The following NEDD4L variants were observed in gnomAD, a reference collection of about 807,000 sequenced individuals.
The protein encoded by NEDD4L is E3 ubiquitin-protein ligase NEDD4-like.
Under a neutral mutation model 148.9 loss-of-function variants are expected in NEDD4L, and 54 were observed. That is an observed-to-expected ratio of 0.36 (90% confidence interval 0.29 to 0.45). The LOEUF (loss-of-function observed/expected upper bound fraction) is 0.45. Among genes scored for constraint, NEDD4L ranks in the 20% least tolerant of loss-of-function variants. The probability of loss-of-function intolerance (pLI) is 1.00; values close to 1 mark genes in which losing one functional copy is unlikely to be tolerated. For missense variants in NEDD4L, 856 were observed against 1,233.8 expected (o/e 0.69, Z 4.59); for synonymous variants, 433 against 440.7 (o/e 0.98, Z 0.22).
chr18:58,390,729 T>C lies in NEDD4L; in HGVS notation c.2739T>C (p.Phe913=). ...CATCGCGAGTACCTATGAATGGATT[T>C]GCCGAACTTTATGGTGAGCAGGATA... ...TGTSRVPMNG[F]AELYGSNGPQ... The change falls in exon 29 of 31, where the codon TTT becomes TTC. Residue 913 remains phenylalanine, a synonymous_variant. Transcript: ENST00000400345. 6.3e-7 allele frequency: 1 copy of C among 1,594,764 alleles called. No individual in the cohort carries two copies.
intron 1 of NEDD4L, among the ~76,000 whole-genome samples, chr18:58,063,227 T>G (rs895512894): frequency 2.7e-5 from 4 of 150,214 alleles, no homozygotes; most frequent in Non-Finnish European, 5.9e-5. Context: ...TTATTTTTAT[T>G]TTTATTTTTT....
chr18:58,067,751 G>A (rs1196206656), intron 1 of NEDD4L, among the ~76,000 whole-genome samples: 1 of 152,200 alleles, frequency 6.6e-6, no homozygotes, highest in Non-Finnish European at 1.5e-5. Flanking sequence ...AAGGAATGTT[G>A]TACAGTGTTG....
chr18:58,221,483 A>T, intron 2 of NEDD4L: 1 of 915,984 alleles, frequency 1.1e-6, no homozygotes, highest in Non-Finnish European at 1.3e-6. Context: ...GCTTGACGCA[A>T]CCCCCTTTTC....
chr18:58,081,462 G>A (rs1004525977), intron 1 of NEDD4L, among the ~76,000 whole-genome samples: 3 of 151,852 alleles, frequency 2.0e-5, no homozygotes, highest in South Asian at 2.1e-4. Context: ...TGATCCACCC[G>A]CCTTGGCCTC....
intron 2 of NEDD4L, among the ~76,000 whole-genome samples, chr18:58,174,106 G>A (rs909208011): frequency 6.6e-6 from 1 of 151,834 alleles, no homozygotes; most frequent in Non-Finnish European, 1.5e-5. Flanking sequence ...AGAAGAATGA[G>A]GATATGCTGG....
At chr18:58,063,988 G>A (rs1298663440) in intron 1 of NEDD4L, among the ~76,000 whole-genome samples, 2 of 99,480 alleles carry the variant, frequency 2.0e-5, no homozygotes, top group South Asian at 5.9e-4. Flanking sequence ...TTTTTGAGAC[G>A]GAGTCTTGTT....
chr18:58,373,390 A>G, intron 24 of NEDD4L, 121 bp downstream of exon 24: 2 of 652,708 alleles, frequency 3.1e-6, no homozygotes, highest in Non-Finnish European at 5.6e-6. Flanking sequence ...GCAGGTGTTA[A>G]TTTTCATCTC....
At chr18:58,309,257 C>T (rs2057401897) in intron 5 of NEDD4L, among the ~76,000 whole-genome samples, 1 of 152,178 alleles carries the variant, frequency 6.6e-6, no homozygotes, top group Non-Finnish European at 1.5e-5. Flanking sequence ...GCCGGATGCT[C>T]CCGTGCTGGC....
At chr18:58,261,429 T>C (rs574339426) in intron 5 of NEDD4L, among the ~76,000 whole-genome samples, 1 of 152,346 alleles carries the variant, frequency 6.6e-6, no homozygotes, top group South Asian at 2.1e-4. Flanking sequence ...AATTTCCACA[T>C]TGTATGACTT....
At chr18:58,206,677 A>G (rs951272624) in intron 2 of NEDD4L, among the ~76,000 whole-genome samples, 1 of 152,190 alleles carries the variant, frequency 6.6e-6, no homozygotes, top group Admixed American at 6.5e-5. Context: ...ATAATAGGCA[A>G]AAACTGGAAA....
At chr18:58,299,881 G>T (rs2056228066) in intron 5 of NEDD4L, among the ~76,000 whole-genome samples, 1 of 152,032 alleles carries the variant, frequency 6.6e-6, no homozygotes, top group South Asian at 2.1e-4. Context: ...TGCTTAAATG[G>T]TCCATTTATG....
intron 1 of NEDD4L, among the ~76,000 whole-genome samples, chr18:58,153,627 A>G (rs1220626925): frequency 6.6e-6 from 1 of 151,248 alleles, no homozygotes; most frequent in Admixed American, 6.6e-5. Context: ...GTCAAAGGAA[A>G]ACCAAGTCTG....
intron 1 of NEDD4L, among the ~76,000 whole-genome samples, chr18:58,145,662 T>C (rs1395989228): frequency 1.3e-5 from 2 of 152,160 alleles, no homozygotes; most frequent in Non-Finnish European, 2.9e-5. Context: ...TGAATACTCC[T>C]GTAAATACAT....
At chr18:58,328,043 C>T (rs1456562119) in intron 9 of NEDD4L, among the ~76,000 whole-genome samples, 1 of 151,930 alleles carries the variant, frequency 6.6e-6, no homozygotes, top group African/African-American at 2.4e-5. Context: ...CAGCTCACTG[C>T]AACCTCTGCC....
At chr18:58,230,993 A>G (rs1196162050) in intron 2 of NEDD4L, among the ~76,000 whole-genome samples, 1 of 152,140 alleles carries the variant, frequency 6.6e-6, no homozygotes, top group African/African-American at 2.4e-5. Context: ...CATACCTGTA[A>G]TTCCAACACT....
In NEDD4L at chr18:58,325,027, C is replaced by T. The variant is rs770647033; in HGVS notation, c.545C>T (p.Ser182Leu). Residue 182 changes from serine to leucine, a missense_variant, in exon 9 of 31, where the codon TCG becomes TTG. By Grantham distance (145) the Ser-to-Leu change is moderately radical (BLOSUM62 -2). This residue lies in a region of NEDD4L where 193 missense variants were observed against 244.2 expected (regional missense o/e 0.79). Transcript: ENST00000400345. ...HGWEVVDSNDSASQHQEELPP... is the reference protein window; with the variant it reads ...HGWEVVDSNDLASQHQEELPP... ...TGGGAAGTTGTTGACTCAAATGACT[C>T]GGCTTCTCAGCACCAAGAGGAACTT... 1.2e-5 allele frequency: 19 copies of T among 1,613,772 alleles called. No individual in the cohort carries two copies. The highest frequency in any genetic ancestry group is 3.3e-4 in the Middle Eastern group (2 of 6,084).
At chr18:58,334,980 T>C (rs928382357) in intron 12 of NEDD4L, among the ~76,000 whole-genome samples, 16 of 152,184 alleles carry the variant, frequency 1.1e-4, no homozygotes, top group African/African-American at 3.9e-4. Context: ...CTCAACCTCA[T>C]GATCTGTGAT....
chr18:58,243,545 G>A (rs1167462606), intron 2 of NEDD4L, among the ~76,000 whole-genome samples: 2 of 152,156 alleles, frequency 1.3e-5, no homozygotes, highest in African/African-American at 4.8e-5. Context: ...AGTTATCTGT[G>A]TTTTAATCAC....
chr18:58,057,640 A>C (rs556090679), intron 1 of NEDD4L, among the ~76,000 whole-genome samples: 1 of 152,004 alleles, frequency 6.6e-6, no homozygotes, highest in Non-Finnish European at 1.5e-5. Flanking sequence ...CCTTACTGAG[A>C]ATGTCTTTGG....
Sources: gnomAD v4.1 joint callset for allele counts (sites outside exome capture counted in the v4.1 genomes callset) on GRCh38, gnomAD v4.1.1 for gene constraint, gnomAD v4.1.1 regional missense constraint, MANE v1.5 for transcripts, NCBI Gene and HGNC (gene_info 2026-07-23, HGNC 2026-07-21) for gene names.